The following RNLS variants were observed in gnomAD, a reference collection of about 807,000 sequenced individuals.
RNLS encodes the protein renalase.
RNLS carries 39 observed loss-of-function variants against 39.8 expected under a neutral mutation model. That is an observed-to-expected ratio of 0.98 (90% CI 0.76 to 1.28). RNLS has a LOEUF of 1.28. RNLS is among the 50% of genes most tolerant of loss of function. The pLI is 0.00. For missense variants in RNLS, 410 were observed against 413.3 expected (o/e 0.99, Z 0.07); for synonymous variants, 147 against 150.7 (o/e 0.98, Z 0.18).
Position 88,572,907 on chromosome 10 carries a change from G to A in RNLS, c.522C>T (p.Thr174=). 6.2e-7 allele frequency: 1 copy of A among 1,613,512 alleles called. No individual in the cohort carries two copies. Among genetic ancestry groups the A allele is most frequent in the Non-Finnish European group, 8.5e-7 (1 of 1,179,672 alleles). Reference sequence around the variant, plus strand: ...AAATGGCAAAAGCAGACTCACAGGTGGTGATGTCACCTTGAAGCTGCAGAA... The same window carrying A: ...AAATGGCAAAAGCAGACTCACAGGTAGTGATGTCACCTTGAAGCTGCAGAA... ...PEILQLQGDI[T]TLISECQRQQ... Residue 174 remains threonine (T), a synonymous_variant, in exon 4 of 7, where the codon ACC becomes ACT. Coordinates refer to ENST00000331772, the MANE Select transcript of RNLS (RefSeq NM_001031709.3).
intron 4 of RNLS, among the ~76,000 whole-genome samples, chr10:88,559,866 G>A (rs920516999): frequency 6.6e-5 from 10 of 151,832 alleles, no homozygotes; most frequent in Admixed American, 5.9e-4. Flanking sequence ...AAAAATACAA[G>A]TCACCGAAAA....
At chr10:88,309,459 TC>T in intron 6 of RNLS, 1 of 1,289,600 alleles carries the variant, frequency 7.8e-7, no homozygotes, top group Non-Finnish European at 1.0e-6. Flanking sequence ...CACATCCACT[TC>T]CCCCACCAAA....
intron 5 of RNLS, among the ~76,000 whole-genome samples, chr10:88,322,020 C>T (rs962091973): frequency 3.9e-5 from 6 of 152,040 alleles, no homozygotes; most frequent in Non-Finnish European, 7.4e-5. Context: ...GGCCAATATC[C>T]CTGATGTACA....
chr10:88,456,014 G>A (rs147526669), intron 4 of RNLS, among the ~76,000 whole-genome samples: 220 of 152,326 alleles, frequency 1.4e-3, no homozygotes, highest in African/African-American at 5.2e-3. Flanking sequence ...TGGATGAGAT[G>A]TCAGCAAGAA....
At chr10:88,476,990 G>C (rs1436531603) in intron 4 of RNLS, among the ~76,000 whole-genome samples, 1 of 142,848 alleles carries the variant, frequency 7.0e-6, no homozygotes, top group Non-Finnish European at 1.5e-5. Context: ...GCCACAAAAA[G>C]TAAGAAAGCG....
intron 4 of RNLS, among the ~76,000 whole-genome samples, chr10:88,474,724 T>C (rs533004779): frequency 6.6e-6 from 1 of 152,240 alleles, no homozygotes; most frequent in East Asian, 1.9e-4. Context: ...AACCTGAGCA[T>C]CTCATCTATA....
chr10:88,376,433 T>C (rs986836328), intron 4 of RNLS, among the ~76,000 whole-genome samples: 9 of 152,218 alleles, frequency 5.9e-5, no homozygotes, highest in Non-Finnish European at 8.8e-5. Flanking sequence ...GTATGTAATA[T>C]AGATGAGTCA....
intron 5 of RNLS, among the ~76,000 whole-genome samples, chr10:88,337,822 G>A (rs1443135324): frequency 6.6e-6 from 1 of 152,172 alleles, no homozygotes; most frequent in African/African-American, 2.4e-5. Flanking sequence ...AACTATTCTA[G>A]TGTGTGAAGC....
At chr10:88,496,702 G>A (rs949198129) in intron 4 of RNLS, among the ~76,000 whole-genome samples, 12 of 152,138 alleles carry the variant, frequency 7.9e-5, no homozygotes, top group Admixed American at 3.9e-4. Flanking sequence ...ATTTCATAGA[G>A]GAGAAGGGTT....
intron 6 of RNLS, among the ~76,000 whole-genome samples, chr10:88,276,379 T>G (rs1459370797): frequency 1.3e-5 from 2 of 152,194 alleles, no homozygotes; most frequent in African/African-American, 4.8e-5. Context: ...TTTATCTATA[T>G]TCTCCTCTAT....
intron 4 of RNLS, among the ~76,000 whole-genome samples, chr10:88,446,498 A>T (rs1239875729): frequency 1.3e-5 from 2 of 152,182 alleles, no homozygotes; most frequent in African/African-American, 4.8e-5. Context: ...GACACAAAAA[A>T]CCCTTCAAAA....
chr10:88,262,165 A>G, the RNLS span, among the ~76,000 whole-genome samples: 3 of 152,172 alleles, frequency 2.0e-5, no homozygotes, highest in East Asian at 5.8e-4. Flanking sequence ...AACGCCTTGT[A>G]TATCTATCTA....
intron 4 of RNLS, among the ~76,000 whole-genome samples, chr10:88,565,354 A>T (rs1230243648): frequency 1.3e-5 from 2 of 152,042 alleles, no homozygotes; most frequent in Non-Finnish European, 2.9e-5. Context: ...ATAAGAGCTG[A>T]TTTTTCTCCA....
intron 4 of RNLS, among the ~76,000 whole-genome samples, chr10:88,413,081 G>GAA: frequency 6.6e-6 from 1 of 152,130 alleles, no homozygotes; most frequent in Non-Finnish European, 1.5e-5. Flanking sequence ...TATGAAGTCA[G>GAA]ATTAACTGTC....
intron 4 of RNLS, among the ~76,000 whole-genome samples, chr10:88,425,552 T>C (rs1034026649): frequency 6.6e-6 from 1 of 152,096 alleles, no homozygotes; most frequent in Admixed American, 6.6e-5. Context: ...TAAGGTGGCT[T>C]TGAGTAAGCC....
chr10:88,266,844 G>A, the RNLS span, among the ~76,000 whole-genome samples: 1 of 122,200 alleles, frequency 8.2e-6, no homozygotes, highest in Non-Finnish European at 1.6e-5. Context: ...AGAACCTGCT[G>A]TGAGAAAGGT....
intron 5 of RNLS, among the ~76,000 whole-genome samples, chr10:88,323,452 TACC>T (rs1846331329): frequency 6.6e-6 from 1 of 151,996 alleles, no homozygotes; most frequent in Non-Finnish European, 1.5e-5. Context: ...TAAATCCATA[TACC>T]TACAACTAAC....
At chr10:88,355,543 A>T (rs1849092127) in intron 5 of RNLS, among the ~76,000 whole-genome samples, 1 of 152,158 alleles carries the variant, frequency 6.6e-6, no homozygotes, top group East Asian at 1.9e-4. Flanking sequence ...GCTGAACAGC[A>T]AATGTTGCTG....
chr10:88,450,650 T>C (rs569032315), intron 4 of RNLS, among the ~76,000 whole-genome samples: 3 of 152,162 alleles, frequency 2.0e-5, no homozygotes, highest in African/African-American at 4.8e-5. Context: ...TTTGTTGGAA[T>C]GCAGATCATC....
Sources: allele counts gnomAD v4.1 joint callset (sites outside exome capture counted in the v4.1 genomes callset), GRCh38; gene constraint gnomAD v4.1.1; transcripts MANE v1.5; gene names NCBI Gene and HGNC (gene_info 2026-07-23, HGNC 2026-07-21).